Variants in SIPA1L1 observed in about 807,000 individuals in gnomAD.
SIPA1L1 encodes signal induced proliferation associated 1 like 1.
In SIPA1L1, 26 loss-of-function variants were observed where a neutral mutation model predicts 162.7. The observed-to-expected ratio is 0.16, with a 90% CI of 0.12 to 0.22. The LOEUF is 0.22. Ranked by LOEUF, SIPA1L1 falls within the 10% of genes least tolerant of loss-of-function variation. The pLI is 1.00. For synonymous variants in SIPA1L1, 829 were observed against 837.4 expected (o/e 0.99, Z 0.17); for missense variants, 1,874 against 2,241.0 (o/e 0.84, Z 3.31).
In SIPA1L1 at chr14:71,388,268, C is replaced by T. The variant is rs948055456; in HGVS notation, c.-465+67087C>T. Among the ~76,000 whole-genome samples the T allele has an allele frequency of 7.9e-5, 12 of 152,128 alleles. 1 individual carries two copies. Among genetic ancestry groups the T allele is most frequent in the African/African-American group, 2.2e-4 (9 of 41,422 alleles). ...AAAATTATTCAATAAAAGATACAGACGCAGGTTTTTGTCAAAGCAGAATCT... is the reference window on the plus strand; with the variant it reads ...AAAATTATTCAATAAAAGATACAGATGCAGGTTTTTGTCAAAGCAGAATCT... On this transcript the variant is annotated intron_variant, in intron 2 of 23. Transcript: ENST00000381232.
chr14:71,597,491 G>A (rs1230396404), intron 5 of SIPA1L1, among the ~76,000 whole-genome samples: 3 of 152,010 alleles, frequency 2.0e-5, no homozygotes, highest in African/African-American at 4.8e-5. Context: ...TAAATGCTGA[G>A]GTGGCTTATT....
In SIPA1L1 at chr14:71,705,348, A is replaced by C. The variant is rs1329564924; in HGVS notation, c.3765+8A>C. Reference sequence around the variant, plus strand: ...CCAAACAAACAAGGGCATGTAAGTTAACTGTAAACTTAAAAAAGTATTAGA... The same window carrying C: ...CCAAACAAACAAGGGCATGTAAGTTCACTGTAAACTTAAAAAAGTATTAGA... On this transcript the variant is annotated splice_region_variant and intron_variant, in intron 16 of 23. Transcript: ENST00000381232. 1 of 1,577,650 alleles carries C rather than the reference A, an allele frequency of 6.3e-7. No individual in the cohort carries two copies. The highest frequency in any genetic ancestry group is 1.7e-5 in the Admixed American group (1 of 59,982).
At chr14:71,406,260 A>C (rs1198346282) in intron 2 of SIPA1L1, among the ~76,000 whole-genome samples, 1 of 152,184 alleles carries the variant, frequency 6.6e-6, no homozygotes, top group Non-Finnish European at 1.5e-5. Flanking sequence ...AACCTATAAA[A>C]ATTTCTGATA....
intron 2 of SIPA1L1, among the ~76,000 whole-genome samples, chr14:71,441,672 A>G (rs2044867564): frequency 6.6e-6 from 1 of 152,204 alleles, no homozygotes; most frequent in Admixed American, 6.5e-5. Context: ...AACGTTGGAT[A>G]AATCTCGGGT....
At chr14:71,699,504 T>C (rs1014437588) in intron 14 of SIPA1L1, among the ~76,000 whole-genome samples, 1 of 152,220 alleles carries the variant, frequency 6.6e-6, no homozygotes, top group African/African-American at 2.4e-5. Flanking sequence ...CAAAACTGTT[T>C]AAAAGACATA....
At chr14:71,517,987 C>T (rs926209173) in intron 3 of SIPA1L1, among the ~76,000 whole-genome samples, 2 of 151,980 alleles carry the variant, frequency 1.3e-5, no homozygotes, top group Non-Finnish European at 2.9e-5. Flanking sequence ...TAGAATGAGG[C>T]GAGCTGCAGT....
At chr14:71,437,336 A>G (rs1302202831) in intron 2 of SIPA1L1, among the ~76,000 whole-genome samples, 1 of 151,974 alleles carries the variant, frequency 6.6e-6, no homozygotes, top group Non-Finnish European at 1.5e-5. Context: ...CGATAGTGAG[A>G]CCCTGTCTCT....
intron 7 of SIPA1L1, among the ~76,000 whole-genome samples, chr14:71,641,802 A>G (rs186013663): frequency 1.4e-4 from 22 of 152,366 alleles, no homozygotes; most frequent in Admixed American, 1.2e-3. Flanking sequence ...ATTTTACACC[A>G]AAAATTTTCT....
chr14:71,690,083 T>C (rs1339591746), intron 13 of SIPA1L1, among the ~76,000 whole-genome samples: 1 of 152,210 alleles, frequency 6.6e-6, no homozygotes, highest in East Asian at 1.9e-4. Flanking sequence ...GTTTAGAATA[T>C]TAGCTGTGGT....
At position 71,723,736 on chromosome 14, in the gene SIPA1L1, C is replaced by T; in HGVS notation, c.4298C>T (p.Ser1433Leu). 4 of 1,614,252 alleles carry T rather than the reference C, an allele frequency of 2.5e-6. No individual in the cohort carries two copies. The highest frequency in any genetic ancestry group is 3.4e-6 in the Non-Finnish European group (4 of 1,180,048). The change falls in exon 18 of 24, where the codon TCA (serine) becomes TTA (leucine). Residue 1433 changes from serine to leucine, a missense_variant. By Grantham distance (145) the Ser-to-Leu change is moderately radical. This residue lies in a region of SIPA1L1 where 936 missense variants were observed against 1,051.9 expected (regional missense o/e 0.89). Transcript: ENST00000381232. ...GAAGAGCTTCATCCAGCTGCCCCCT[C>T]ACAGCTCGCACCATCCTTCTCCTCC... Reference protein sequence around the residue: ...PKEELHPAAPSQLAPSFSSSS... With the variant: ...PKEELHPAAPLQLAPSFSSSS...
At chr14:71,675,798 C>T (rs2045101612) in intron 12 of SIPA1L1, among the ~76,000 whole-genome samples, 1 of 152,090 alleles carries the variant, frequency 6.6e-6, no homozygotes, top group African/African-American at 2.4e-5. Flanking sequence ...TTAGGGTCGC[C>T]AGGACCCAGA....
chr14:71,584,459 A>G (rs1428729376), intron 4 of SIPA1L1, among the ~76,000 whole-genome samples: 1 of 152,208 alleles, frequency 6.6e-6, no homozygotes, highest in Non-Finnish European at 1.5e-5. Context: ...GGCATGACCC[A>G]TGCATCCCCC....
chr14:71,649,318 A>C (rs1023471688), intron 7 of SIPA1L1, among the ~76,000 whole-genome samples: 1 of 151,492 alleles, frequency 6.6e-6, no homozygotes, highest in African/African-American at 2.4e-5. Flanking sequence ...CAACCTCCCG[A>C]GTAGCTGGGA....
chr14:71,421,543 C>G (rs968513745), intron 2 of SIPA1L1, among the ~76,000 whole-genome samples: 11 of 152,028 alleles, frequency 7.2e-5, no homozygotes, highest in African/African-American at 2.7e-4. Context: ...AGGCAGTGAG[C>G]TATAATCACT....
intron 2 of SIPA1L1, among the ~76,000 whole-genome samples, chr14:71,336,606 C>T (rs2035119546): frequency 6.6e-6 from 1 of 152,196 alleles, no homozygotes; most frequent in Non-Finnish European, 1.5e-5. Context: ...GAAACTACAA[C>T]CTGTGCTGGG....
intron 2 of SIPA1L1, among the ~76,000 whole-genome samples, chr14:71,479,550 G>T (rs897327648): frequency 6.7e-6 from 1 of 150,096 alleles, no homozygotes; most frequent in African/African-American, 2.5e-5. Context: ...CATGTGCCAC[G>T]ATGCGGGGCC....
In SIPA1L1 at chr14:71,565,061, C is replaced by T. The variant is rs550966832; in HGVS notation, c.-302-22510C>T. Among the ~76,000 whole-genome samples the T allele has an allele frequency of 2.6e-5, 4 of 152,236 alleles. No homozygotes were observed. The South Asian group carries it at 8.3e-4, about 32-fold the overall frequency. On this transcript the variant is annotated intron_variant, in intron 4 of 23. Transcript: ENST00000381232. ...AGAATGTGGAATAGAAAAGTGTGTCCTCTTCTGAAGAACATTGGCTCTTTT... is the reference window on the plus strand; with the variant it reads ...AGAATGTGGAATAGAAAAGTGTGTCTTCTTCTGAAGAACATTGGCTCTTTT...
At chr14:71,358,595 C>G (rs577395111) in intron 2 of SIPA1L1, among the ~76,000 whole-genome samples, 1 of 152,302 alleles carries the variant, frequency 6.6e-6, no homozygotes, top group East Asian at 1.9e-4. Context: ...TTCCTGAATC[C>G]CTTTTTCTTA....
intron 2 of SIPA1L1, among the ~76,000 whole-genome samples, chr14:71,463,368 C>G (rs561900136): frequency 6.6e-6 from 1 of 152,222 alleles, no homozygotes; most frequent in African/African-American, 2.4e-5. Context: ...CCCACTGTAC[C>G]CACTGTAAGT....
Sources: gnomAD v4.1 joint callset for allele counts (sites outside exome capture counted in the v4.1 genomes callset) on GRCh38, gnomAD v4.1.1 for gene constraint, gnomAD v4.1.1 regional missense constraint, MANE v1.5 for transcripts, NCBI Gene and HGNC (gene_info 2026-07-23, HGNC 2026-07-21) for gene names.